CNTN4: variants seen among roughly 807,000 people sequenced by gnomAD.
The protein encoded by CNTN4 is contactin-4.
Under a neutral mutation model 122.5 loss-of-function variants are expected in CNTN4, and 77 were observed. That is an observed-to-expected ratio of 0.63 (90% confidence interval 0.52 to 0.76). CNTN4 has a LOEUF of 0.76. Among genes scored for constraint, CNTN4 ranks in the 30% least tolerant of loss-of-function variants. The probability of loss-of-function intolerance (pLI) is 0.00; values close to 1 mark genes in which losing one functional copy is unlikely to be tolerated. For missense variants in CNTN4, 1,256 were observed against 1,259.1 expected (o/e 1.00, Z 0.04); for synonymous variants, 512 against 447.0 (o/e 1.15, Z -1.83).
chr3:2,870,898 G>A (rs1316355920), intron 8 of CNTN4, among the ~76,000 whole-genome samples: 1 of 152,144 alleles, frequency 6.6e-6, no homozygotes, highest in Non-Finnish European at 1.5e-5. Flanking sequence ...GTTGAACAGT[G>A]AACCTTGGCT....
chr3:2,436,773 A>G (rs2048272623), intron 3 of CNTN4, among the ~76,000 whole-genome samples: 1 of 147,670 alleles, frequency 6.8e-6, no homozygotes, highest in South Asian at 2.1e-4. Flanking sequence ...CTTCAAATAT[A>G]TATGAAATAT....
chr3:2,687,534 G>A (rs1025780670), intron 4 of CNTN4, among the ~76,000 whole-genome samples: 1 of 152,104 alleles, frequency 6.6e-6, no homozygotes, highest in African/African-American at 2.4e-5. Context: ...ATGGTGGCAT[G>A]CGCCTGTAGT....
chr3:2,899,520 T>A (rs1380528836), intron 10 of CNTN4, among the ~76,000 whole-genome samples: 1 of 152,204 alleles, frequency 6.6e-6, no homozygotes, highest in East Asian at 1.9e-4. Context: ...CCTGAATATG[T>A]TTATCATTAT....
chr3:2,617,899 T>C (rs1448408621), intron 4 of CNTN4, among the ~76,000 whole-genome samples: 1 of 152,228 alleles, frequency 6.6e-6, no homozygotes, highest in Non-Finnish European at 1.5e-5. Context: ...TAAATAAGTA[T>C]GCATATAAAA....
At chr3:2,158,254 A>C (rs1466804159) in intron 2 of CNTN4, among the ~76,000 whole-genome samples, 3 of 152,224 alleles carry the variant, frequency 2.0e-5, no homozygotes, top group African/African-American at 7.2e-5. Flanking sequence ...CAAAAGTATT[A>C]ATGTAAGAAG....
rs556739246 is a variant in CNTN4 at position 3,007,123 on chromosome 3, C to T, written c.1486+18651C>T. On this transcript the variant is annotated intron_variant, in intron 14 of 24. Transcript: ENST00000418658. ...AAAGTAAATCATTACTGTATATCTA[C>T]TTCTTATATTTATGTTGTTTACTAT... Among the ~76,000 whole-genome samples the T allele has an allele frequency of 5.5e-4, 83 of 152,200 alleles. 1 individual carries two copies. Among genetic ancestry groups the T allele is most frequent in the South Asian group, 1.4e-3 (7 of 4,828 alleles).
At chr3:2,612,459 G>A (rs2081540203) in intron 4 of CNTN4, among the ~76,000 whole-genome samples, 1 of 152,080 alleles carries the variant, frequency 6.6e-6, no homozygotes, top group Non-Finnish European at 1.5e-5. Context: ...TGTTTTGGGG[G>A]ACCGTGTGTA....
intron 3 of CNTN4, among the ~76,000 whole-genome samples, chr3:2,542,142 A>G (rs2078054740): frequency 6.6e-6 from 1 of 152,116 alleles, no homozygotes; most frequent in African/African-American, 2.4e-5. Flanking sequence ...CCTGGACATA[A>G]CAGCTGGTTA....
At chr3:2,148,442 G>A (rs2035346609) in intron 2 of CNTN4, among the ~76,000 whole-genome samples, 1 of 151,642 alleles carries the variant, frequency 6.6e-6, no homozygotes, top group Non-Finnish European at 1.5e-5. Context: ...GGCCGGGGTA[G>A]AAATCACTTG....
At chr3:2,415,557 C>A (rs1378268143) in intron 3 of CNTN4, among the ~76,000 whole-genome samples, 1 of 152,116 alleles carries the variant, frequency 6.6e-6, no homozygotes, top group African/African-American at 2.4e-5. Flanking sequence ...ATTAAACGTA[C>A]CACATTATTT....
At chr3:2,539,124 C>G (rs2077931257) in intron 3 of CNTN4, among the ~76,000 whole-genome samples, 1 of 151,922 alleles carries the variant, frequency 6.6e-6, no homozygotes, top group Admixed American at 6.6e-5. Context: ...TGTTGATCTT[C>G]TGTAATTATT....
chr3:2,188,260 G>A (rs1488121389), intron 2 of CNTN4, among the ~76,000 whole-genome samples: 1 of 152,198 alleles, frequency 6.6e-6, no homozygotes, highest in East Asian at 1.9e-4. Context: ...CCATTGAGAG[G>A]TCCCTAATAA....
chr3:2,347,127 G>A (rs1003050401), intron 3 of CNTN4, among the ~76,000 whole-genome samples: 5 of 121,586 alleles, frequency 4.1e-5, no homozygotes, highest in Non-Finnish European at 7.4e-5. Flanking sequence ...TCATCAGGAT[G>A]GCTAGTTCAT....
chr3:2,840,091 T>C (rs1342054127), intron 7 of CNTN4, among the ~76,000 whole-genome samples: 1 of 152,070 alleles, frequency 6.6e-6, no homozygotes, highest in East Asian at 1.9e-4. Flanking sequence ...GTCACCACAC[T>C]CAGGGAAGCC....
At chr3:2,120,357 A>T (rs1483708456) in intron 2 of CNTN4, among the ~76,000 whole-genome samples, 1 of 51,586 alleles carries the variant, frequency 1.9e-5, no homozygotes, top group African/African-American at 6.0e-5. Context: ...TAGGTTATAT[A>T]TATATATATA....
Position 2,725,699 on chromosome 3 carries a change from C to T in CNTN4, c.56-10516C>T, listed in dbSNP as rs531632728. On this transcript the variant is annotated intron_variant, in intron 4 of 24. Coordinates refer to ENST00000418658, the MANE Select transcript of CNTN4 (RefSeq NM_175607.3). ...CAGATTTTTAGGGAGTAGTTGATCC[C>T]GGTGGTGTTCAGGTTGAAGTACAGA... Among the ~76,000 whole-genome samples the T allele has an allele frequency of 1.4e-4, 22 of 152,034 alleles. 1 individual carries two copies. In the East Asian group the frequency reaches 2.3e-3, roughly 16 times the overall value.
intron 2 of CNTN4, among the ~76,000 whole-genome samples, chr3:2,289,355 AG>A (rs1380027722): frequency 6.6e-6 from 1 of 152,182 alleles, no homozygotes; most frequent in Non-Finnish European, 1.5e-5. Context: ...GAGATATCCT[AG>A]GAAGATTTCA....
intron 3 of CNTN4, among the ~76,000 whole-genome samples, chr3:2,561,722 G>A (rs1037162027): frequency 2.0e-5 from 3 of 152,176 alleles, no homozygotes; most frequent in Admixed American, 6.6e-5. Flanking sequence ...TAAATGACTT[G>A]CCCAAGAACA....
At chr3:2,581,614 C>T (rs184877124) in intron 4 of CNTN4, among the ~76,000 whole-genome samples, 7 of 152,248 alleles carry the variant, frequency 4.6e-5, no homozygotes, top group Non-Finnish European at 1.5e-5. Flanking sequence ...TTAGAAAAAA[C>T]AGTGAAGACC....
Sources: allele counts gnomAD v4.1 joint callset (sites outside exome capture counted in the v4.1 genomes callset), GRCh38; gene constraint gnomAD v4.1.1; transcripts MANE v1.5; gene names NCBI Gene and HGNC (gene_info 2026-07-23, HGNC 2026-07-21).